GASK1B: variants seen among roughly 807,000 people sequenced by gnomAD.
GASK1B encodes the protein Golgi-associated kinase 1B.
Under a neutral mutation model 42.8 loss-of-function variants are expected in GASK1B, and 34 were observed. That is an observed-to-expected ratio of 0.79 (90% CI 0.60 to 1.06). The LOEUF is 1.06. Ranked by LOEUF, GASK1B falls within the 50% of genes least tolerant of loss-of-function variation. GASK1B has a pLI of 0.00. For missense variants in GASK1B, 686 were observed against 661.0 expected (o/e 1.04, Z -0.42); for synonymous variants, 262 against 259.1 (o/e 1.01, Z -0.11).
chr4:158,146,358 C>T (rs1342942282), intron 3 of GASK1B, among the ~76,000 whole-genome samples: 1 of 151,762 alleles, frequency 6.6e-6, no homozygotes, highest in Non-Finnish European at 1.5e-5. Context: ...TTGGGAGTGG[C>T]TTATAATTTA....
Position 158,125,306 on chromosome 4 carries a change from C to G in GASK1B, c.*2101G>C, listed in dbSNP as rs1730408550. On this transcript the variant is annotated 3_prime_UTR_variant, in exon 5 of 5. Coordinates refer to ENST00000585682, the MANE Select transcript of GASK1B (RefSeq NM_001128424.2). ...AAGTTAAACCCTCACGTGGGAAGAC[C>G]AGGCTGCCCAACAGCATTGTAGCTT... The G allele has an allele frequency of 6.6e-6, 1 of 152,090 alleles. No individual in the cohort carries two copies. The highest frequency in any genetic ancestry group is 1.5e-5 in the Non-Finnish European group (1 of 68,012). The allele number at this position is 152,090 out of a possible 1,614,324, so 9.4% of individuals were successfully genotyped here.
chr4:158,126,676 A>G lies in GASK1B; in HGVS notation c.*731T>C, dbSNP rs1389358671. On this transcript the variant is annotated 3_prime_UTR_variant, in exon 5 of 5. Coordinates refer to ENST00000585682, the MANE Select transcript of GASK1B (RefSeq NM_001128424.2). Reference sequence around the variant, plus strand: ...AATTATTTAATTTCTCAGCCACTAGATACAAATTGGACCAAAATAGAGAGA... The same window carrying G: ...AATTATTTAATTTCTCAGCCACTAGGTACAAATTGGACCAAAATAGAGAGA... The G allele has an allele frequency of 6.6e-6, 1 of 152,140 alleles. No homozygotes were observed. The highest frequency in any genetic ancestry group is 2.4e-5 in the African/African-American group (1 of 41,446). 9.4% of individuals were successfully genotyped at this position (152,140 alleles called of 1,614,324 possible).
chr4:158,160,632 C>A (rs544253261), intron 2 of GASK1B, among the ~76,000 whole-genome samples: 1 of 151,958 alleles, frequency 6.6e-6, no homozygotes, highest in Non-Finnish European at 1.5e-5. Flanking sequence ...ATCAGTATGC[C>A]GAAGAGATGT....
chr4:158,138,771 A>T (rs1300767310), intron 3 of GASK1B, among the ~76,000 whole-genome samples: 1 of 152,158 alleles, frequency 6.6e-6, no homozygotes, highest in Non-Finnish European at 1.5e-5. Flanking sequence ...TAGCTATTTT[A>T]ACTTACACTT....
Position 158,171,034 on chromosome 4 carries a change from C to T in GASK1B, c.342G>A (p.Lys114=), listed in dbSNP as rs1467329571. The T allele has an allele frequency of 1.2e-6, 2 of 1,613,960 alleles. No homozygotes were observed. Among genetic ancestry groups the T allele is most frequent in the Non-Finnish European group, 8.5e-7 (1 of 1,179,854 alleles). ...PNVVYITLRS[K]RSKPANIRGT... is the part of the protein sequence containing the mutation. ...CACGGATATTGGCCGGCTTGCTGCG[C>T]TTGGAGCGTAGGGTAATGTACACCA... The change falls in exon 2 of 5, where the codon AAG becomes AAA. Residue 114 remains lysine, a synonymous_variant. Transcript: ENST00000585682.
At position 158,171,214 on chromosome 4, in the gene GASK1B, C is replaced by A; in HGVS notation, c.162G>T (p.Gln54His). 3 of 1,614,064 alleles carry A rather than the reference C, an allele frequency of 1.9e-6. No individual in the cohort carries two copies. The highest frequency in any genetic ancestry group is 2.5e-6 in the Non-Finnish European group (3 of 1,179,992). The change falls in exon 2 of 5, where the codon CAG (glutamine) becomes CAT (histidine). Residue 54 changes from glutamine to histidine, a missense_variant. Coordinates refer to ENST00000585682, the MANE Select transcript of GASK1B (RefSeq NM_001128424.2). Reference sequence around the variant, plus strand: ...CATGCTGGAGAGAGGCCCTCCCCACCTGGCTCACCAGGAAGCCCAAGTAGA... The same window carrying A: ...CATGCTGGAGAGAGGCCCTCCCCACATGGCTCACCAGGAAGCCCAAGTAGA... The part of the protein sequence containing the change: ...CAIYLGFLVS[Q>H]VGRASLQHGQ...
At chr4:158,155,549 G>T in intron 3 of GASK1B, 62 bp downstream of exon 3, 1 of 1,359,502 alleles carries the variant, frequency 7.4e-7, no homozygotes, top group Non-Finnish European at 1.0e-6. Flanking sequence ...ATTCCTTAGT[G>T]TCAGGCTAAT....
At chr4:158,142,916 A>G (rs1302790660) in intron 3 of GASK1B, among the ~76,000 whole-genome samples, 1 of 152,218 alleles carries the variant, frequency 6.6e-6, no homozygotes, top group Non-Finnish European at 1.5e-5. Flanking sequence ...GAGAGAAGAT[A>G]TAGAGATGAA....
intron 2 of GASK1B, among the ~76,000 whole-genome samples, chr4:158,165,865 AT>A (rs1342288992): frequency 6.6e-6 from 1 of 152,174 alleles, no homozygotes; most frequent in East Asian, 1.9e-4. Flanking sequence ...AATAAGAGTA[AT>A]ATCTGCTATG....
intron 2 of GASK1B, among the ~76,000 whole-genome samples, chr4:158,168,104 T>A (rs1465154446): frequency 6.6e-6 from 1 of 152,208 alleles, no homozygotes; most frequent in Non-Finnish European, 1.5e-5. Flanking sequence ...CCTGACTTTG[T>A]GACTCTAAAT....
chr4:158,154,911 C>T (rs905347174), intron 3 of GASK1B, among the ~76,000 whole-genome samples: 2 of 152,132 alleles, frequency 1.3e-5, no homozygotes, highest in African/African-American at 4.8e-5. Flanking sequence ...ACAGTGTACA[C>T]TGATCAGTTG....
chr4:158,172,810 G>C (rs867864111), intron 1 of GASK1B, 58 bp downstream of exon 1: 2 of 151,958 alleles, frequency 1.3e-5, no homozygotes, highest in Non-Finnish European at 2.9e-5. Flanking sequence ...ATCACCCCTC[G>C]AGTGTCCATC....
chr4:158,148,348 G>T (rs1406570336), intron 3 of GASK1B, among the ~76,000 whole-genome samples: 1 of 152,084 alleles, frequency 6.6e-6, no homozygotes, highest in Non-Finnish European at 1.5e-5. Context: ...TCCCACAGTT[G>T]GTAAGAGAAA....
rs1342210997 is a variant in GASK1B, at chr4:158,170,945, G to A, written c.431C>T (p.Ala144Val). 6.2e-7 allele frequency: 1 copy of A among 1,614,232 alleles called. No individual in the cohort carries two copies. Among genetic ancestry groups the A allele is most frequent in the South Asian group, 1.1e-5 (1 of 91,090 alleles). The change falls in exon 2 of 5, where the codon GCT (alanine) becomes GTT (valine). Residue 144 changes from alanine (A) to valine (V), a missense_variant. By Grantham distance (64) the Ala-to-Val change is moderately conservative (BLOSUM62 0). Transcript: ENST00000585682. ...AVASAAPGQEALVGPSLQPQE... is the reference protein window; with the variant it reads ...AVASAAPGQEVLVGPSLQPQE... Reference sequence around the variant, plus strand: ...CGGCTGAAGGGATGGTCCGACCAAAGCCTCCTGCCCTGGGGCAGCCGATGC... The same window carrying A: ...CGGCTGAAGGGATGGTCCGACCAAAACCTCCTGCCCTGGGGCAGCCGATGC...
Position 158,125,105 on chromosome 4 carries a change from T to A in GASK1B, c.*2302A>T, listed in dbSNP as rs943938011. 2.0e-5 allele frequency: 3 copies of A among 152,192 alleles called. No individual in the cohort carries two copies. The highest frequency in any genetic ancestry group is 7.2e-5 in the African/African-American group (3 of 41,464). The allele number at this position is 152,192 out of a possible 1,614,324, so 9.4% of individuals were successfully genotyped here. A position where few individuals can be genotyped will look rare whatever the true frequency, so the allele number is the denominator to read the frequency against. On this transcript the variant is annotated 3_prime_UTR_variant, in exon 5 of 5. Coordinates refer to ENST00000585682, the MANE Select transcript of GASK1B (RefSeq NM_001128424.2). Reference sequence around the variant, plus strand: ...GTTTCAATAAGACAAAAGAAGAACATTACCTATTAGAATTAAAAGCCTGGC... The same window carrying A: ...GTTTCAATAAGACAAAAGAAGAACAATACCTATTAGAATTAAAAGCCTGGC...
At chr4:158,132,497 A>G (rs1730721246) in intron 3 of GASK1B, among the ~76,000 whole-genome samples, 1 of 152,196 alleles carries the variant, frequency 6.6e-6, no homozygotes, top group African/African-American at 2.4e-5. Context: ...CCTCTCCACC[A>G]TTACCACTTC....
intron 2 of GASK1B, among the ~76,000 whole-genome samples, chr4:158,158,218 C>T (rs1201137482): frequency 6.6e-6 from 1 of 152,096 alleles, no homozygotes; most frequent in Admixed American, 6.6e-5. Context: ...GAAATGAGAT[C>T]GTGCCTCTAA....
intron 3 of GASK1B, among the ~76,000 whole-genome samples, chr4:158,139,968 T>G (rs1176996287): frequency 6.6e-6 from 1 of 152,200 alleles, no homozygotes; most frequent in Non-Finnish European, 1.5e-5. Context: ...TTTTTAAAAA[T>G]TAATAGATTT....
Position 158,126,189 on chromosome 4 carries a change from T to C in GASK1B, c.*1218A>G, listed in dbSNP as rs1220602845. 1.3e-5 allele frequency: 2 copies of C among 152,154 alleles called. No homozygotes were observed. Among genetic ancestry groups the C allele is most frequent in the East Asian group, 3.9e-4 (2 of 5,186 alleles). 9.4% of individuals were successfully genotyped at this position (152,154 alleles called of 1,614,324 possible). Reference sequence around the variant, plus strand: ...TGAAACTCCATGTGAATATCTACCATATGTGATGATCTTGGATATTGGCAA... The same window carrying C: ...TGAAACTCCATGTGAATATCTACCACATGTGATGATCTTGGATATTGGCAA... On this transcript the variant is annotated 3_prime_UTR_variant, in exon 5 of 5. Coordinates refer to ENST00000585682, the MANE Select transcript of GASK1B (RefSeq NM_001128424.2).
Sources: allele counts gnomAD v4.1 joint callset (sites outside exome capture counted in the v4.1 genomes callset), GRCh38; gene constraint gnomAD v4.1.1; transcripts MANE v1.5; gene names NCBI Gene and HGNC (gene_info 2026-07-23, HGNC 2026-07-21).